The following CLVS1 variants were observed in gnomAD, a reference collection of about 807,000 sequenced individuals.
CLVS1 encodes clavesin 1.
CLVS1 carries 10 observed loss-of-function variants against 33.1 expected under a neutral mutation model. The observed-to-expected ratio is 0.30, with a 90% confidence interval of 0.19 to 0.51. The LOEUF (loss-of-function observed/expected upper bound fraction) is 0.51. CLVS1 is among the 20% of genes least tolerant of loss of function. CLVS1 has a pLI of 0.97. For synonymous variants in CLVS1, 163 were observed against 166.1 expected (o/e 0.98, Z 0.14); for missense variants, 343 against 433.4 (o/e 0.79, Z 1.85).
At chr8:61,110,733 C>G (rs1402819966) in intron 1 of CLVS1, among the ~76,000 whole-genome samples, 1 of 152,204 alleles carries the variant, frequency 6.6e-6, no homozygotes, top group Non-Finnish European at 1.5e-5. Flanking sequence ...AACCACCACT[C>G]TACCTTCTGT....
At chr8:61,426,188 G>A (rs1815884536) in intron 3 of CLVS1, among the ~76,000 whole-genome samples, 1 of 152,134 alleles carries the variant, frequency 6.6e-6, no homozygotes, top group African/African-American at 2.4e-5. Flanking sequence ...CCTCATTCCT[G>A]TGCACATGTG....
chr8:61,084,331 C>T (rs1805079297), intron 1 of CLVS1, among the ~76,000 whole-genome samples: 1 of 152,182 alleles, frequency 6.6e-6, no homozygotes, highest in African/African-American at 2.4e-5. Flanking sequence ...AAACCAACAT[C>T]AGGTGGAAAA....
At chr8:61,388,618 A>G (rs1360525270) in intron 3 of CLVS1, among the ~76,000 whole-genome samples, 2 of 151,758 alleles carry the variant, frequency 1.3e-5, no homozygotes, top group East Asian at 1.9e-4. Context: ...TTTTTTTGTT[A>G]TATCTTTTTT....
chr8:61,356,595 G>T (rs1275850658), intron 2 of CLVS1, among the ~76,000 whole-genome samples: 2 of 151,906 alleles, frequency 1.3e-5, no homozygotes, highest in Non-Finnish European at 2.9e-5. Flanking sequence ...TTTTGTATAA[G>T]GTGTAAGGAA....
the CLVS1 span, among the ~76,000 whole-genome samples, chr8:61,033,695 G>T: frequency 6.6e-6 from 1 of 152,168 alleles, no homozygotes; most frequent in Non-Finnish European, 1.5e-5. Context: ...CACCTGGCTG[G>T]GGGGGCACTT....
At chr8:61,382,952 T>A (rs1017470276) in intron 3 of CLVS1, among the ~76,000 whole-genome samples, 1 of 152,194 alleles carries the variant, frequency 6.6e-6, no homozygotes, top group Non-Finnish European at 1.5e-5. Context: ...AAATAGTACA[T>A]GCAACATGCC....
chr8:61,055,162 T>G (rs899799843), upstream of CLVS1, among the ~76,000 whole-genome samples: 4 of 152,208 alleles, frequency 2.6e-5, no homozygotes, highest in African/African-American at 9.6e-5. Flanking sequence ...TGACAGAAGC[T>G]AAAACGAAAT....
intron 2 of CLVS1, among the ~76,000 whole-genome samples, chr8:61,210,819 G>C (rs1198924362): frequency 2.6e-5 from 4 of 152,188 alleles, no homozygotes; most frequent in Admixed American, 6.5e-5. Flanking sequence ...TGGATGTATA[G>C]ATTGGGGATT....
intron 2 of CLVS1, among the ~76,000 whole-genome samples, chr8:61,278,480 C>G (rs1809605553): frequency 6.6e-6 from 1 of 152,110 alleles, no homozygotes; most frequent in South Asian, 2.1e-4. Context: ...GGATTTTCCT[C>G]CCATGTCTTG....
intron 2 of CLVS1, among the ~76,000 whole-genome samples, chr8:61,231,696 C>T (rs1014740709): frequency 3.9e-5 from 6 of 152,178 alleles, no homozygotes; most frequent in African/African-American, 9.7e-5. Context: ...GCCGGAAATA[C>T]GAATCCTCAG....
At chr8:61,408,878 C>G (rs934561104) in intron 3 of CLVS1, among the ~76,000 whole-genome samples, 7 of 152,114 alleles carry the variant, frequency 4.6e-5, no homozygotes, top group Admixed American at 6.6e-5. Context: ...GTTGGCATCT[C>G]AAAGATAGAT....
chr8:61,250,166 C>T (rs997444022), intron 2 of CLVS1, among the ~76,000 whole-genome samples: 1 of 152,038 alleles, frequency 6.6e-6, no homozygotes, highest in Non-Finnish European at 1.5e-5. Context: ...ACCATCTATT[C>T]AATAGGGAAT....
At position 61,468,365 on chromosome 8, in the gene CLVS1, A is replaced by T. The variant is rs949663652; in HGVS notation, c.977+9823A>T. Among the ~76,000 whole-genome samples, 49 of 152,180 alleles carry T rather than the reference A, an allele frequency of 3.2e-4. 2 individuals carry two copies. Among genetic ancestry groups the T allele is most frequent in the East Asian group, 1.9e-4 (1 of 5,188 alleles). On this transcript the variant is annotated intron_variant, in intron 5 of 5. Transcript: ENST00000325897. ...CTTTTCACAGTGGTACTAAGATTTT[A>T]AAAAATGTTTGTTTGTTGTTTCTCT...
At chr8:61,347,887 C>T (rs943845925) in intron 2 of CLVS1, among the ~76,000 whole-genome samples, 1 of 151,426 alleles carries the variant, frequency 6.6e-6, no homozygotes, top group East Asian at 1.9e-4. Flanking sequence ...TTTACATTCC[C>T]ACCAGCAATG....
At position 61,282,904 on chromosome 8, in the gene CLVS1, T is replaced by C. The variant is rs1056483284; in HGVS notation, c.-151-16773T>C. On this transcript the variant is annotated intron_variant, in intron 2 of 2. Coordinates refer to the CLVS1 transcript ENST00000522621. ...TGGAAACTATAGTACTCTGTTTTCA[T>C]AGATCTCCAAACACTCCCTGGCTTC... Among the ~76,000 whole-genome samples, 3 of 152,204 alleles carry C rather than the reference T, an allele frequency of 2.0e-5. No individual in the cohort carries two copies. In the South Asian group the frequency reaches 6.2e-4, roughly 32 times the overall value.
At chr8:61,397,289 C>A (rs1485217863) in intron 3 of CLVS1, among the ~76,000 whole-genome samples, 7 of 152,044 alleles carry the variant, frequency 4.6e-5, no homozygotes, top group Non-Finnish European at 1.0e-4. Flanking sequence ...TTTGCACTTT[C>A]CTAATGACTA....
chr8:60,987,491 G>C, the CLVS1 span, among the ~76,000 whole-genome samples: 1 of 152,026 alleles, frequency 6.6e-6, no homozygotes, highest in East Asian at 1.9e-4. Context: ...AGGAAAGAAG[G>C]AATGATAGCA....
In CLVS1 at chr8:61,458,573, C is replaced by A. The variant is rs528431763; in HGVS notation, c.977+31C>A. Reference sequence around the variant, plus strand: ...GCCTGGGTTATCAGAGCCCCCCCCCCAGTCAGAGGTCAATGGAATTTTTTA... The same window carrying A: ...GCCTGGGTTATCAGAGCCCCCCCCCAAGTCAGAGGTCAATGGAATTTTTTA... On this transcript the variant is annotated intron_variant, in intron 5 of 5. Coordinates refer to ENST00000325897, the MANE Select transcript of CLVS1 (RefSeq NM_173519.3). 449 of 1,400,312 alleles carry A rather than the reference C, an allele frequency of 3.2e-4. 2 individuals carry two copies. The African/African-American group carries it at 5.1e-3, about 16-fold the overall frequency. 86.7% of individuals were successfully genotyped at this position (1,400,312 alleles called of 1,614,324 possible). A position where few individuals can be genotyped will look rare whatever the true frequency, so the allele number is the denominator to read the frequency against.
chr8:61,094,050 A>G (rs1385667244), intron 1 of CLVS1, among the ~76,000 whole-genome samples: 1 of 152,250 alleles, frequency 6.6e-6, no homozygotes, highest in Non-Finnish European at 1.5e-5. Context: ...CTCACTGTGC[A>G]CAGCCAGGCG....
Sources: allele counts gnomAD v4.1 joint callset (sites outside exome capture counted in the v4.1 genomes callset), GRCh38; gene constraint gnomAD v4.1.1; transcripts MANE v1.5; gene names NCBI Gene and HGNC (gene_info 2026-07-23, HGNC 2026-07-21).